EIF2D: variants seen among roughly 807,000 people sequenced by gnomAD.
The protein encoded by EIF2D is eukaryotic translation initiation factor 2D.
A neutral mutation model predicts 77.4 loss-of-function variants in EIF2D; 56 were observed. The observed-to-expected ratio is 0.72, with a 90% CI of 0.58 to 0.90. EIF2D has a LOEUF of 0.90. Among genes scored for constraint, EIF2D ranks in the 40% least tolerant of loss-of-function variants. EIF2D has a pLI of 0.00. For missense variants in EIF2D, 574 were observed against 706.5 expected (o/e 0.81, Z 2.13); for synonymous variants, 230 against 271.0 (o/e 0.85, Z 1.49).
intron 4 of EIF2D, among the ~76,000 whole-genome samples, chr1:206,606,531 T>C (rs17012590): frequency 0.013 from 2,012 of 152,222 alleles, 49 homozygotes; most frequent in African/African-American, 0.047. Flanking sequence ...ATTTACATAG[T>C]TTCCTCCTAT....
At chr1:206,593,502 A>AGTGTGT (rs1433622439) in intron 14 of EIF2D, 117 bp downstream of exon 14, 133 of 427,994 alleles carry the variant, frequency 3.1e-4, no homozygotes, top group African/African-American at 2.6e-3. Flanking sequence ...AGAGAGAGAG[A>AGTGTGT]GAGAGAGTGT....
rs1238269401 is a variant in EIF2D at position 206,584,942 on chromosome 1, C to T, written c.139-3780G>A. 3.3e-6 allele frequency: 2 copies of T among 605,890 alleles called. No individual in the cohort carries two copies. Among genetic ancestry groups the T allele is most frequent in the African/African-American group, 3.7e-5 (2 of 53,928 alleles). The allele number at this position is 605,890 out of a possible 1,614,324, so 37.5% of individuals were successfully genotyped here. On this transcript the variant is annotated intron_variant and NMD_transcript_variant, in intron 2 of 5. Transcript: ENST00000472709. This position sits in a 1 kb window ranked among gnomAD's most constrained non-coding sequence, Gnocchi z 4.9. ...TCTGTGCAATGGGAGGAATCTGCCC[C>T]ACCATTCCTAATCTTTCAGGAGATG...
chr1:206,611,089 CTT>C, intron 2 of EIF2D, 93 bp downstream of exon 2: 1 of 1,247,218 alleles, frequency 8.0e-7, no homozygotes. Flanking sequence ...TTCGTGCTTG[CTT>C]ATTTTATGGG....
chr1:206,574,042 C>G (rs1248656474), intron 4 of EIF2D, among the ~76,000 whole-genome samples: 1 of 152,232 alleles, frequency 6.6e-6, no homozygotes, highest in Non-Finnish European at 1.5e-5. Context: ...AGGGCAGTGC[C>G]TGACTACTGT....
At chr1:206,605,814 A>T (rs1424165894) in intron 4 of EIF2D, among the ~76,000 whole-genome samples, 8 of 152,194 alleles carry the variant, frequency 5.3e-5, no homozygotes, top group African/African-American at 1.9e-4. Flanking sequence ...TCTTGGAAGG[A>T]TATTTAATGT....
At chr1:206,610,052 A>G (rs560764522) in intron 2 of EIF2D, among the ~76,000 whole-genome samples, 1 of 152,318 alleles carries the variant, frequency 6.6e-6, no homozygotes, top group Admixed American at 6.5e-5. Context: ...GATTTGTGAC[A>G]GAGAAGGCAA....
chr1:206,599,728 C>T lies in EIF2D; in HGVS notation c.1052+5G>A. 6.2e-7 allele frequency: 1 copy of T among 1,614,170 alleles called. No individual in the cohort carries two copies. The highest frequency in any genetic ancestry group is 8.5e-7 in the Non-Finnish European group (1 of 1,180,020). ...GGGCTACAGTGACAGGCCCCCTGCA[C>T]TCACCTCGGGTGTTTCCAGTCCACA... On this transcript the variant is annotated splice_donor_5th_base_variant and intron_variant, in intron 9 of 14. Transcript: ENST00000271764. This position sits in a 1 kb window ranked among gnomAD's most constrained non-coding sequence, Gnocchi z 4.1.
chr1:206,584,253 C>G lies in EIF2D; in HGVS notation c.139-3091G>C. 1.2e-6 allele frequency: 1 copy of G among 826,762 alleles called. No individual in the cohort carries two copies. The highest frequency in any genetic ancestry group is 2.9e-5 in the Admixed American group (1 of 34,398). The allele number at this position is 826,762 out of a possible 1,614,324, so 51.2% of individuals were successfully genotyped here. A position where few individuals can be genotyped will look rare whatever the true frequency, so the allele number is the denominator to read the frequency against. ...AAGGGATCTCTGCTCCTTCCTCCAGCTCTCCCACGTCAGCAGAGGCAGGAA... is the reference window on the plus strand; with the variant it reads ...AAGGGATCTCTGCTCCTTCCTCCAGGTCTCCCACGTCAGCAGAGGCAGGAA... On this transcript the variant is annotated intron_variant and NMD_transcript_variant, in intron 2 of 5. Transcript: ENST00000472709. This position sits in a 1 kb window ranked among gnomAD's most constrained non-coding sequence, Gnocchi z 4.9.
Position 206,608,299 on chromosome 1 carries a change from G to A in EIF2D, c.359C>T (p.Pro120Leu). Residue 120 changes from proline (P) to leucine (L), a missense_variant, in exon 4 of 15, where the codon CCC becomes CTC. Physicochemically the swap from Pro to Leu is moderately conservative, Grantham distance 98. Transcript: ENST00000271764. ...CTGTACCTGAGGCAGACCAGCAGGG[G>A]GCATCACCAGTCCAGGCAGCATCAA... ...ADLMLPGLVM[P>L]PAGLPQVQKG... is the part of the protein sequence containing the mutation. The A allele has an allele frequency of 6.2e-7, 1 of 1,613,040 alleles. No individual in the cohort carries two copies. Among genetic ancestry groups the A allele is most frequent in the South Asian group, 1.1e-5 (1 of 90,920 alleles).
chr1:206,571,697 G>A (rs1309384377), intron 5 of EIF2D, among the ~76,000 whole-genome samples: 1 of 152,196 alleles, frequency 6.6e-6, no homozygotes, highest in East Asian at 1.9e-4. Flanking sequence ...AGTTCCAGGG[G>A]CAGGAGGCCA....
At position 206,598,902 on chromosome 1, in the gene EIF2D, T is replaced by C. The variant is rs1477125303; in HGVS notation, c.1292+101A>G. The C allele has an allele frequency of 3.1e-5, 36 of 1,178,320 alleles. No individual in the cohort carries two copies. The East Asian group carries it at 7.9e-4, about 26-fold the overall frequency. 73.0% of individuals were successfully genotyped at this position (1,178,320 alleles called of 1,614,324 possible). A position where few individuals can be genotyped will look rare whatever the true frequency, so the allele number is the denominator to read the frequency against. ...GATCTTAATTACCTCTAAGATGCTA[T>C]GGTTTTCTATTCTCCCTCCCAGACA... is the stretch of plus-strand genomic sequence containing the variant. On this transcript the variant is annotated intron_variant, in intron 11 of 14. Transcript: ENST00000271764.
chr1:206,570,581 A>G (rs954912716), downstream of EIF2D, among the ~76,000 whole-genome samples: 72 of 111,238 alleles, frequency 6.5e-4, no homozygotes, highest in Admixed American at 1.7e-3. Context: ...ACCCCTGGCA[A>G]CCACCATTCT....
chr1:206,612,199 C>A (rs1408018783), intron 1 of EIF2D, 88 bp downstream of exon 1: 1 of 1,573,612 alleles, frequency 6.4e-7, no homozygotes, highest in South Asian at 1.1e-5. Context: ...CCGAGGATGT[C>A]GGCCAAGAAT....
chr1:206,584,532 C>T lies in EIF2D; in HGVS notation c.139-3370G>A. On this transcript the variant is annotated intron_variant and NMD_transcript_variant, in intron 2 of 5. Coordinates refer to the EIF2D transcript ENST00000472709. The surrounding 1 kb of genome is among the most constrained non-coding windows in gnomAD (Gnocchi z 4.9). ...GCGGCTACCACGGACAAGCGGACAT[C>T]CTTCTACCTGCCCCTAGATGCCATC... is the stretch of plus-strand genomic sequence containing the variant. 6.2e-7 allele frequency: 1 copy of T among 1,614,190 alleles called. No homozygotes were observed. Among genetic ancestry groups the T allele is most frequent in the Non-Finnish European group, 8.5e-7 (1 of 1,180,020 alleles).
chr1:206,593,184 T>C (rs782732858), intron 14 of EIF2D, among the ~76,000 whole-genome samples: 2 of 151,724 alleles, frequency 1.3e-5, no homozygotes, highest in African/African-American at 2.4e-5. Flanking sequence ...AGTCAGAGGA[T>C]CTCAGGGCAA....
rs781998960 is a variant in EIF2D, at chr1:206,584,261, C to T, written c.139-3099G>A. ...TCTGCTCCTTCCTCCAGCTCTCCCA[C>T]GTCAGCAGAGGCAGGAAAGAACTCA... On this transcript the variant is annotated intron_variant and NMD_transcript_variant, in intron 2 of 5. Transcript: ENST00000472709. The surrounding 1 kb of genome is among the most constrained non-coding windows in gnomAD (Gnocchi z 4.9). The T allele has an allele frequency of 8.2e-5, 74 of 899,946 alleles. No homozygotes were observed. The highest frequency in any genetic ancestry group is 6.6e-4 in the Middle Eastern group (2 of 3,044). The allele number at this position is 899,946 out of a possible 1,614,324, so 55.7% of individuals were successfully genotyped here.
At chr1:206,590,824 C>G (rs1054850307), downstream of EIF2D, among the ~76,000 whole-genome samples, 4 of 152,202 alleles carry the variant, frequency 2.6e-5, no homozygotes, top group African/African-American at 9.6e-5. Context: ...GTGCAACTGT[C>G]TCTTAATGGT....
At chr1:206,569,262 GAAA>G (rs1668373364), downstream of EIF2D, among the ~76,000 whole-genome samples, 2 of 152,246 alleles carry the variant, frequency 1.3e-5, no homozygotes, top group Admixed American at 1.3e-4. Flanking sequence ...TAAGGTTACA[GAAA>G]GACTGTGGGC....
At chr1:206,571,078 A>G (rs1385427339), downstream of EIF2D, among the ~76,000 whole-genome samples, 1 of 152,222 alleles carries the variant, frequency 6.6e-6, no homozygotes, top group Non-Finnish European at 1.5e-5. Flanking sequence ...GTTTCCCTGC[A>G]TCCATGCCAA....
Sources: allele counts gnomAD v4.1 joint callset (sites outside exome capture counted in the v4.1 genomes callset), GRCh38; gene constraint gnomAD v4.1.1; non-coding constraint Gnocchi (gnomAD v3.1); transcripts MANE v1.5; gene names NCBI Gene and HGNC (gene_info 2026-07-23, HGNC 2026-07-21).